The following UFSP2 variants were observed in gnomAD, a reference collection of about 807,000 sequenced individuals.
UFSP2 encodes the protein UFM1 specific peptidase 2.
UFSP2 carries 43 observed loss-of-function variants against 60.2 expected under a neutral mutation model. That is an observed-to-expected ratio of 0.71 (90% CI 0.56 to 0.92). The LOEUF (loss-of-function observed/expected upper bound fraction) is 0.92. Among genes scored for constraint, UFSP2 ranks in the 40% least tolerant of loss-of-function variants. The pLI is 0.00. For synonymous variants in UFSP2, 183 were observed against 195.1 expected (o/e 0.94, Z 0.52); for missense variants, 520 against 575.0 (o/e 0.90, Z 0.98).
intron 4 of UFSP2, among the ~76,000 whole-genome samples, chr4:185,417,193 G>A (rs1489673241): frequency 6.6e-6 from 1 of 152,156 alleles, no homozygotes; most frequent in African/African-American, 2.4e-5. Context: ...CCTGCCAATA[G>A]TGCATGACCT....
At chr4:185,415,400 A>G in intron 5 of UFSP2, 53 bp from the exon 6 acceptor site, 1 of 1,428,264 alleles carries the variant, frequency 7.0e-7, no homozygotes, top group Non-Finnish European at 9.3e-7. Context: ...GACTACAATA[A>G]AGAAAAGTAC....
Position 185,399,903 on chromosome 4 carries a change from AC to A in UFSP2, c.*488del. On this transcript the variant is annotated 3_prime_UTR_variant, in exon 12 of 12. Coordinates refer to ENST00000264689, the MANE Select transcript of UFSP2 (RefSeq NM_018359.5). Reference sequence around the variant, plus strand: ...GTTTCATTCTCATTAACATTTTAGTACTGGTTATACTTACCAGAGTCTAGAG... The same window carrying A: ...GTTTCATTCTCATTAACATTTTAGTATGGTTATACTTACCAGAGTCTAGAG... 6.5e-7 allele frequency: 1 copy of A among 1,539,054 alleles called. No homozygotes were observed. The highest frequency in any genetic ancestry group is 8.7e-7 in the Non-Finnish European group (1 of 1,145,026).
chr4:185,412,303 T>C (rs1238456152), intron 7 of UFSP2, among the ~76,000 whole-genome samples: 1 of 152,216 alleles, frequency 6.6e-6, no homozygotes, highest in Non-Finnish European at 1.5e-5. Context: ...CTATTCTTTT[T>C]GTGAGGAACT....
chr4:185,400,637 T>C (rs2095512163), intron 11 of UFSP2, 159 bp from the exon 12 acceptor site: 1 of 478,488 alleles, frequency 2.1e-6, no homozygotes, highest in Non-Finnish European at 3.7e-6. Context: ...AAAAGTAACG[T>C]ATCTTACCCT....
At chr4:185,421,735 C>T (rs1363474990) in intron 2 of UFSP2, among the ~76,000 whole-genome samples, 1 of 152,210 alleles carries the variant, frequency 6.6e-6, no homozygotes, top group Non-Finnish European at 1.5e-5. Flanking sequence ...TAATACAGTA[C>T]TTTTAATTCC....
rs1305914280 is a variant in UFSP2 at position 185,422,476 on chromosome 4, A to T, written c.82+9T>A. 2.6e-5 allele frequency: 42 copies of T among 1,599,684 alleles called. No individual in the cohort carries two copies. Among genetic ancestry groups the T allele is most frequent in the Non-Finnish European group, 3.4e-5 (40 of 1,173,912 alleles). On this transcript the variant is annotated intron_variant, in intron 2 of 11. Coordinates refer to ENST00000264689, the MANE Select transcript of UFSP2 (RefSeq NM_018359.5). Reference sequence around the variant, plus strand: ...TTTCTAATAAAAAAGAATTTTTCAGAAGACCTACCATTAGGAGTAGCTAGC... The same window carrying T: ...TTTCTAATAAAAAAGAATTTTTCAGTAGACCTACCATTAGGAGTAGCTAGC...
chr4:185,400,413 AG>A lies in UFSP2; in HGVS notation c.1388del (p.Pro463LeufsTer6). 6.2e-7 allele frequency: 1 copy of A among 1,613,672 alleles called. No individual in the cohort carries two copies. Among genetic ancestry groups the A allele is most frequent in the South Asian group, 1.1e-5 (1 of 91,016 alleles). On this transcript the variant is annotated frameshift_variant, in exon 12 of 12. Coordinates refer to ENST00000264689, the MANE Select transcript of UFSP2 (RefSeq NM_018359.5). LOFTEE classifies it high-confidence loss of function. ...NKDAYYNLCL[P>X]QRPNMI ...TATTTTAAATCATATTTGGTCGCTG[AG>A]GAAGACATAAGTTATAGTATGCATC...
chr4:185,411,638 CTA>C (rs1040964474), intron 7 of UFSP2, among the ~76,000 whole-genome samples: 1 of 151,900 alleles, frequency 6.6e-6, no homozygotes, highest in African/African-American at 2.4e-5. Context: ...AATAATATAT[CTA>C]TAATTTTCCT....
At chr4:185,419,707 C>T (rs909311166) in intron 2 of UFSP2, among the ~76,000 whole-genome samples, 39 of 152,208 alleles carry the variant, frequency 2.6e-4, no homozygotes, top group Non-Finnish European at 5.3e-4. Flanking sequence ...GCTTCTTTCA[C>T]TTAGCTTAAT....
In UFSP2 at chr4:185,415,813, C is replaced by T. The variant is rs957254401; in HGVS notation, c.388G>A (p.Val130Ile). 6.2e-7 allele frequency: 1 copy of T among 1,613,596 alleles called. No homozygotes were observed. Among genetic ancestry groups the T allele is most frequent in the Admixed American group, 1.7e-5 (1 of 59,992 alleles). The change falls in exon 5 of 12, where the codon GTA (valine) becomes ATA (isoleucine). Residue 130 changes from valine to isoleucine, a missense_variant. Coordinates refer to ENST00000264689, the MANE Select transcript of UFSP2 (RefSeq NM_018359.5). ...CTTTCCCTTTCAATGATGGGCGTTA[C>T]AGCTGCCAGGGAGGTTGACATTTCC... ...MLEMSTSLAA[V>I]TPIIERESGG... is the part of the protein sequence containing the mutation.
In UFSP2 at chr4:185,400,049, C is replaced by T. The variant is rs201769205; in HGVS notation, c.*343G>A. 8.5e-5 allele frequency: 133 copies of T among 1,559,946 alleles called. 1 individual carries two copies. The African/African-American group carries it at 1.5e-3, about 18-fold the overall frequency. ...GTGGGTTATGAAGAAGTCTGAAGAA[C>T]GCCTTCATTTCATGCAAATCTATAA... On this transcript the variant is annotated 3_prime_UTR_variant, in exon 12 of 12. Transcript: ENST00000264689.
rs924836771 is a variant in UFSP2, at chr4:185,416,641, G to A, written c.334-774C>T. Among the ~76,000 whole-genome samples, 6 of 152,144 alleles carry A rather than the reference G, an allele frequency of 3.9e-5. No individual in the cohort carries two copies. The East Asian group carries it at 1.2e-3, about 29-fold the overall frequency. On this transcript the variant is annotated intron_variant, in intron 4 of 11. Coordinates refer to ENST00000264689, the MANE Select transcript of UFSP2 (RefSeq NM_018359.5). ...GTGGATAGTATAAAAGTATAAAAGTGTGTGCCCATGGAAAAATGACTGATT... is the reference window on the plus strand; with the variant it reads ...GTGGATAGTATAAAAGTATAAAAGTATGTGCCCATGGAAAAATGACTGATT...
chr4:185,415,780 G>C lies in UFSP2; in HGVS notation c.421C>G (p.His141Asp), dbSNP rs141590748. 3.6e-5 allele frequency: 58 copies of C among 1,613,552 alleles called. No individual in the cohort carries two copies. The highest frequency in any genetic ancestry group is 4.8e-5 in the Non-Finnish European group (57 of 1,179,640). The change falls in exon 5 of 12, where the codon CAC becomes GAC. Residue 141 changes from histidine to aspartate, a missense_variant. By Grantham distance (81) the His-to-Asp change is moderately conservative. Transcript: ENST00000264689. ...GGTAAAGTCATATTAACATAATGGTGTCCTCCGCTTTCCCTTTCAATGATG... is the reference window on the plus strand; with the variant it reads ...GGTAAAGTCATATTAACATAATGGTCTCCTCCGCTTTCCCTTTCAATGATG... ...TPIIERESGG[H>D]HYVNMTLPVD... is the part of the protein sequence containing the mutation.
In UFSP2 at chr4:185,413,826, T is replaced by C. The variant is rs776156275; in HGVS notation, c.731A>G (p.Lys244Arg). The C allele has an allele frequency of 5.0e-6, 8 of 1,612,940 alleles. No homozygotes were observed. In the East Asian group the frequency reaches 1.3e-4, roughly 27 times the overall value. ...FNLPHDRPYFKRSNAYHFPDE... is the reference protein window; with the variant it reads ...FNLPHDRPYFRRSNAYHFPDE... ...TGGAAAGTGATAAGCATTAGACCTT[T>C]TGAAATAGGGTCTGTCGTGAGGCAG... Residue 244 changes from lysine (K) to arginine (R), a missense_variant, in exon 7 of 12, where the codon AAA becomes AGA. Coordinates refer to ENST00000264689, the MANE Select transcript of UFSP2 (RefSeq NM_018359.5).
intron 2 of UFSP2, among the ~76,000 whole-genome samples, chr4:185,419,904 G>A (rs1272467747): frequency 6.6e-6 from 1 of 152,174 alleles, no homozygotes; most frequent in Non-Finnish European, 1.5e-5. Flanking sequence ...GTGTGGATGT[G>A]TTTTCAATTC....
chr4:185,418,393 C>A, intron 4 of UFSP2, 48 bp downstream of exon 4: 2 of 1,439,900 alleles, frequency 1.4e-6, no homozygotes, highest in South Asian at 1.2e-5. Context: ...GTTCCAAATC[C>A]AAAGATTTAA....
At chr4:185,408,217 T>A in intron 8 of UFSP2, 54 bp downstream of exon 8, 1 of 1,587,672 alleles carries the variant, frequency 6.3e-7, no homozygotes, top group Non-Finnish European at 8.6e-7. Context: ...AATGGTATAT[T>A]AAGGGCTAAT....
intron 2 of UFSP2, among the ~76,000 whole-genome samples, chr4:185,420,754 T>C (rs2095547990): frequency 6.6e-6 from 1 of 152,230 alleles, no homozygotes. Flanking sequence ...AGCATGTCCA[T>C]TCTCTATATT....
chr4:185,408,311 T>C lies in UFSP2; in HGVS notation c.956A>G (p.Tyr319Cys). The change falls in exon 8 of 12, where the codon TAC (tyrosine) becomes TGC (cysteine). Residue 319 changes from tyrosine (Y) to cysteine (C), a missense_variant. Transcript: ENST00000264689. ...TICSWFKHQG[Y>C]TERSIPTHRE... ...GTGTGTTGGAATGGACCTCTCTGTGTATCCCTGATGTTTGAACCAAGAGCA... is the reference window on the plus strand; with the variant it reads ...GTGTGTTGGAATGGACCTCTCTGTGCATCCCTGATGTTTGAACCAAGAGCA... 1 of 1,614,216 alleles carries C rather than the reference T, an allele frequency of 6.2e-7. No individual in the cohort carries two copies. Among genetic ancestry groups the C allele is most frequent in the Non-Finnish European group, 8.5e-7 (1 of 1,180,026 alleles).
Sources: gnomAD v4.1 joint callset for allele counts (sites outside exome capture counted in the v4.1 genomes callset) on GRCh38, gnomAD v4.1.1 for gene constraint, MANE v1.5 for transcripts, NCBI Gene and HGNC (gene_info 2026-07-23, HGNC 2026-07-21) for gene names.